MGRN1: variants seen among roughly 807,000 people sequenced by gnomAD.
MGRN1 encodes E3 ubiquitin-protein ligase MGRN1.
Under a neutral mutation model 69.2 loss-of-function variants are expected in MGRN1, and 29 were observed. That is an observed-to-expected ratio of 0.42 (90% CI 0.31 to 0.57). The LOEUF is 0.57. Ranked by LOEUF, MGRN1 falls within the 20% of genes least tolerant of loss-of-function variation. MGRN1 has a pLI of 0.15. For missense variants in MGRN1, 998 were observed against 796.2 expected (o/e 1.25, Z -3.05); for synonymous variants, 470 against 344.2 (o/e 1.37, Z -4.04).
Position 4,682,831 on chromosome 16 carries a change from G to A in MGRN1, c.1367G>A (p.Arg456Gln), listed in dbSNP as rs371114422. The change falls in exon 14 of 17, where the codon CGG (arginine) becomes CAG (glutamine). Residue 456 changes from arginine to glutamine, a missense_variant. By Grantham distance (43) the Arg-to-Gln change is conservative. Coordinates refer to ENST00000262370, the MANE Select transcript of MGRN1 (RefSeq NM_015246.4). ...PQSKAPDSTLRSPSSPIHEED... is the reference protein window; with the variant it reads ...PQSKAPDSTLQSPSSPIHEED... ...CTCTCCTCTGTCCCCAGCACCCTAC[G>A]GTCCCCGTCTTCCCCCATCCACGAA... 8.8e-6 allele frequency: 14 copies of A among 1,583,696 alleles called. No individual in the cohort carries two copies. Among genetic ancestry groups the A allele is most frequent in the South Asian group, 2.3e-5 (2 of 88,550 alleles).
At chr16:4,673,985 A>G (rs2078999111) in intron 10 of MGRN1, among the ~76,000 whole-genome samples, 1 of 150,916 alleles carries the variant, frequency 6.6e-6, no homozygotes, top group Non-Finnish European at 1.5e-5. Context: ...TTCTTATTTT[A>G]TTTTTATTAT....
At chr16:4,650,259 C>T (rs907196304) in intron 1 of MGRN1, 106 bp from the exon 2 acceptor site, 18 of 796,026 alleles carry the variant, frequency 2.3e-5, no homozygotes, top group Middle Eastern at 3.5e-4. Flanking sequence ...GCTGAGATAG[C>T]GCCACTGCAC....
At chr16:4,652,400 C>T (rs1169424043) in intron 3 of MGRN1, among the ~76,000 whole-genome samples, 3 of 152,030 alleles carry the variant, frequency 2.0e-5, no homozygotes. Context: ...CAGATTTCAG[C>T]AGGTTCAGAA....
chr16:4,688,130 T>G (rs2079375542), intron 16 of MGRN1: 10 of 985,566 alleles, frequency 1.0e-5, no homozygotes, highest in Non-Finnish European at 1.2e-5. Context: ...GGGCCGTGTC[T>G]GCTGGGAGCC....
intron 8 of MGRN1, chr16:4,669,383 G>C (rs184846665): frequency 2.1e-5 from 3 of 143,938 alleles, no homozygotes; most frequent in Non-Finnish European, 4.5e-5. Flanking sequence ...GCAGTGAGCC[G>C]AGATCATGCC....
intron 5 of MGRN1, among the ~76,000 whole-genome samples, chr16:4,662,311 T>C (rs143707172): frequency 8.5e-5 from 13 of 152,208 alleles, no homozygotes; most frequent in African/African-American, 3.1e-4. Context: ...GGTCAGGAGT[T>C]CGAGACCAGC....
At chr16:4,654,666 C>T (rs114698740) in intron 4 of MGRN1, among the ~76,000 whole-genome samples, 1,641 of 152,334 alleles carry the variant, frequency 0.011, 32 homozygotes, top group African/African-American at 0.037. Flanking sequence ...CCTCTGTGTC[C>T]TCAGCTGGAA....
Position 4,687,015 on chromosome 16 carries a change from C to G in MGRN1, c.1619-1781C>G, listed in dbSNP as rs1014543235. 2.7e-5 allele frequency: 27 copies of G among 985,682 alleles called. No homozygotes were observed. The Admixed American group carries it at 7.4e-4, about 27-fold the overall frequency. The allele number at this position is 985,682 out of a possible 1,614,324, so 61.1% of individuals were successfully genotyped here. A position where few individuals can be genotyped will look rare whatever the true frequency, so the allele number is the denominator to read the frequency against. On this transcript the variant is annotated intron_variant, in intron 16 of 16. Transcript: ENST00000262370. ...TCCGCTCACACAGCCACCTGCTCCC[C>G]CGCTCCCTCCTTCCCTTGTCAGCAT...
In MGRN1 at chr16:4,641,404, A is replaced by G. The variant is rs555894644; in HGVS notation, c.89-8961A>G. Among the ~76,000 whole-genome samples, 8 of 146,612 alleles carry G rather than the reference A, an allele frequency of 5.5e-5. 1 individual carries two copies. In the South Asian group the frequency reaches 1.7e-3, roughly 31 times the overall value. On this transcript the variant is annotated intron_variant, in intron 1 of 16. Coordinates refer to ENST00000262370, the MANE Select transcript of MGRN1 (RefSeq NM_015246.4). ...TGCTTGGGCTGGAGTGCAGTGGCCC[A>G]GGGGCCCAATCATAGCTCACTGCAA...
rs372499842 is a variant in MGRN1, at chr16:4,683,849, G to T, written c.1535G>T (p.Arg512Leu). ...CCTCACCCTCTGCCTGCAGGGACCCGAGCAGCTTCCATTGAGAATGTCCTG... is the reference window on the plus strand; with the variant it reads ...CCTCACCCTCTGCCTGCAGGGACCCTAGCAGCTTCCATTGAGAATGTCCTG... ...DESSSPQQGT[R>L]AASIENVLQD... Residue 512 changes from arginine (R) to leucine (L), a missense_variant, in exon 16 of 17, where the codon CGA becomes CTA. Arg to Leu is a moderately radical substitution (Grantham distance 102, BLOSUM62 -2). Transcript: ENST00000262370. The T allele has an allele frequency of 2.5e-6, 4 of 1,612,044 alleles. No homozygotes were observed. Among genetic ancestry groups the T allele is most frequent in the African/African-American group, 1.3e-5 (1 of 74,846 alleles).
chr16:4,676,552 C>T (rs540782711), intron 10 of MGRN1, among the ~76,000 whole-genome samples: 11 of 152,296 alleles, frequency 7.2e-5, no homozygotes, highest in African/African-American at 1.9e-4. Context: ...CCCTCACAGG[C>T]GCCCGAGGGC....
rs141515748 is a variant in MGRN1 at position 4,683,946 on chromosome 16, G to A, written c.1618+14G>A. The A allele has an allele frequency of 2.4e-3, 3,711 of 1,559,470 alleles. 101 individuals carry two copies. The African/African-American group carries it at 0.044, about 19-fold the overall frequency. ...TCTACCTGCCAGGTAAGGGGCTGGG[G>A]GTCTGGGGGTGAGGGGCTGGGTGCC... On this transcript the variant is annotated intron_variant, in intron 16 of 16. Coordinates refer to ENST00000262370, the MANE Select transcript of MGRN1 (RefSeq NM_015246.4).
intron 1 of MGRN1, among the ~76,000 whole-genome samples, chr16:4,635,243 C>G (rs1286893184): frequency 6.6e-6 from 1 of 151,862 alleles, no homozygotes; most frequent in Non-Finnish European, 1.5e-5. Context: ...AAAACCCTAT[C>G]TCTACTAAAA....
intron 9 of MGRN1, chr16:4,672,504 T>G (rs1596307420): frequency 2.2e-6 from 1 of 456,344 alleles, no homozygotes; most frequent in Non-Finnish European, 4.4e-6. Flanking sequence ...GGGCCTCGCC[T>G]CAACCCAGGG....
rs974177704 is a variant in MGRN1, at chr16:4,668,460, C to G, written c.726+148C>G. On this transcript the variant is annotated intron_variant, in intron 8 of 16. Transcript: ENST00000262370. ...ACACACTCATACACATTCACTTGCA[C>G]ATATATACGGACACACATACATACC... is the stretch of plus-strand genomic sequence containing the variant. 5 of 799,612 alleles carry G rather than the reference C, an allele frequency of 6.3e-6. No homozygotes were observed. In the African/African-American group the frequency reaches 8.6e-5, roughly 14 times the overall value. 49.5% of individuals were successfully genotyped at this position (799,612 alleles called of 1,614,324 possible). A position where few individuals can be genotyped will look rare whatever the true frequency, so the allele number is the denominator to read the frequency against.
At chr16:4,671,202 G>A (rs2078929548) in intron 8 of MGRN1, 189 bp from the exon 9 acceptor site, 5 of 609,038 alleles carry the variant, frequency 8.2e-6, no homozygotes, top group Non-Finnish European at 8.7e-6. Flanking sequence ...CCCTGTTCCA[G>A]GTGCTGCTGG....
intron 4 of MGRN1, among the ~76,000 whole-genome samples, chr16:4,654,556 C>A (rs1232645309): frequency 6.6e-6 from 1 of 152,244 alleles, no homozygotes; most frequent in Non-Finnish European, 1.5e-5. Context: ...GAGCACACCG[C>A]TCAGTGGTCA....
At chr16:4,651,578 C>T (rs557034792) in intron 2 of MGRN1, among the ~76,000 whole-genome samples, 2 of 151,214 alleles carry the variant, frequency 1.3e-5, no homozygotes, top group East Asian at 1.9e-4. Flanking sequence ...GGCCCTGGGG[C>T]GGGTTGCTGA....
intron 7 of MGRN1, among the ~76,000 whole-genome samples, chr16:4,665,667 CTTT>C (rs35226786): frequency 1.6e-5 from 2 of 127,566 alleles, no homozygotes; most frequent in Admixed American, 7.9e-5. Context: ...CGTGCCCGGC[CTTT>C]TTTTTTTTTT....
Sources: allele counts gnomAD v4.1 joint callset (sites outside exome capture counted in the v4.1 genomes callset), GRCh38; gene constraint gnomAD v4.1.1; transcripts MANE v1.5; gene names NCBI Gene and HGNC (gene_info 2026-07-23, HGNC 2026-07-21).